Variants in NLGN1 observed in about 807,000 individuals in gnomAD.
NLGN1 encodes the protein neuroligin-1.
In NLGN1, 12 loss-of-function variants were observed where a neutral mutation model predicts 65.5. The ratio of observed to expected loss-of-function variants is 0.18; its 90% CI spans 0.12 to 0.30. The LOEUF (loss-of-function observed/expected upper bound fraction) is 0.30, where lower values mean the gene tolerates loss of function less well. Among genes scored for constraint, NLGN1 ranks in the 10% least tolerant of loss-of-function variants. NLGN1 has a pLI of 1.00. For synonymous variants in NLGN1, 350 were observed against 359.5 expected, an observed-to-expected ratio of 0.97 and a Z score of 0.30; for missense variants, 750 against 1,007.1, an observed-to-expected ratio of 0.74 and a Z score of 3.46.
chr3:173,985,885 G>A (rs1719772000), intron 4 of NLGN1, among the ~76,000 whole-genome samples: 1 of 152,040 alleles, frequency 6.6e-6, no homozygotes, highest in African/African-American at 2.4e-5. Flanking sequence ...GGAAGGTGGA[G>A]GTTGCAGTGA....
intron 3 of NLGN1, among the ~76,000 whole-genome samples, chr3:173,689,281 T>C (rs1277883183): frequency 6.6e-6 from 1 of 152,098 alleles, no homozygotes; most frequent in African/African-American, 2.4e-5. Flanking sequence ...CTTCTAAGGG[T>C]ATGAGATTGC....
intron 4 of NLGN1, among the ~76,000 whole-genome samples, chr3:173,985,343 C>A (rs1719659815): frequency 6.6e-6 from 1 of 152,130 alleles, no homozygotes; most frequent in African/African-American, 2.4e-5. Context: ...AGAGCCTGTA[C>A]CTACCACCTT....
chr3:174,081,104 G>A (rs1335777663), intron 4 of NLGN1, among the ~76,000 whole-genome samples: 1 of 152,066 alleles, frequency 6.6e-6, no homozygotes, highest in African/African-American at 2.4e-5. Flanking sequence ...TGGATAAGTT[G>A]CATCCTTCAT....
At chr3:174,222,124 A>G (rs1324607665) in intron 4 of NLGN1, among the ~76,000 whole-genome samples, 1 of 152,072 alleles carries the variant, frequency 6.6e-6, no homozygotes, top group Non-Finnish European at 1.5e-5. Context: ...GAGTATTTTG[A>G]GATAAGTAGC....
At chr3:173,811,133 A>G (rs965817086) in intron 4 of NLGN1, among the ~76,000 whole-genome samples, 17 of 152,240 alleles carry the variant, frequency 1.1e-4, no homozygotes, top group African/African-American at 4.1e-4. Context: ...CAGTTTTGAC[A>G]TAAACTTTCC....
intron 4 of NLGN1, among the ~76,000 whole-genome samples, chr3:173,955,229 C>T (rs1021657623): frequency 1.3e-5 from 2 of 152,010 alleles, no homozygotes; most frequent in Non-Finnish European, 2.9e-5. Flanking sequence ...GCTCATAGGC[C>T]GTGCAAAAAT....
rs185108505 is a variant in NLGN1 at position 173,704,456 on chromosome 3, A to G, written c.493+99365A>G. Among the ~76,000 whole-genome samples, 3 of 152,276 alleles carry G rather than the reference A, an allele frequency of 2.0e-5. No individual in the cohort carries two copies. The East Asian group carries it at 5.8e-4, about 29-fold the overall frequency. On this transcript the variant is annotated intron_variant, in intron 3 of 6. Transcript: ENST00000457714. ...GAGGTAAATAATAGAGACACTTTTC[A>G]AAAGTGCTCATAACAGTTATAAAAA...
At chr3:173,777,893 C>A (rs958350303) in intron 3 of NLGN1, among the ~76,000 whole-genome samples, 12 of 151,908 alleles carry the variant, frequency 7.9e-5, no homozygotes, top group Non-Finnish European at 1.2e-4. Flanking sequence ...GTATCTATTC[C>A]ATTCATTAAA....
chr3:173,525,990 A>C (rs996831618), intron 2 of NLGN1, among the ~76,000 whole-genome samples: 6 of 151,906 alleles, frequency 3.9e-5, no homozygotes, highest in Admixed American at 1.3e-4. Flanking sequence ...TATTTTTTTG[A>C]ATTTATTGAG....
chr3:173,587,408 G>A (rs1389668946), intron 2 of NLGN1, among the ~76,000 whole-genome samples: 1 of 152,134 alleles, frequency 6.6e-6, no homozygotes, highest in African/African-American at 2.4e-5. Context: ...ATGGAAATAA[G>A]TATATACAAA....
At chr3:173,638,114 C>T (rs1010459615) in intron 3 of NLGN1, among the ~76,000 whole-genome samples, 6 of 151,480 alleles carry the variant, frequency 4.0e-5, no homozygotes, top group Non-Finnish European at 5.9e-5. Context: ...TCCTGTTTTA[C>T]GCCAGTTCAC....
intron 4 of NLGN1, among the ~76,000 whole-genome samples, chr3:174,198,599 TA>T (rs1355877292): frequency 6.6e-6 from 1 of 152,192 alleles, no homozygotes; most frequent in East Asian, 1.9e-4. Flanking sequence ...CATCATTGGA[TA>T]AAATTATTTA....
chr3:173,957,537 T>G (rs1004802774), intron 4 of NLGN1, among the ~76,000 whole-genome samples: 1 of 152,182 alleles, frequency 6.6e-6, no homozygotes, highest in African/African-American at 2.4e-5. Flanking sequence ...TAGCCCAGAA[T>G]AACAGCTATA....
At chr3:173,783,016 A>ATG (rs1781416668) in intron 3 of NLGN1, among the ~76,000 whole-genome samples, 1 of 152,174 alleles carries the variant, frequency 6.6e-6, no homozygotes. Context: ...GAATAAATAT[A>ATG]TATGTATAAT....
At position 173,673,132 on chromosome 3, in the gene NLGN1, T is replaced by A. The variant is rs553802868; in HGVS notation, c.493+68041T>A. 9.8e-5 allele frequency among the ~76,000 whole-genome samples: 15 copies of A among 152,322 alleles called. No homozygotes were observed. The East Asian group carries it at 2.9e-3, about 29-fold the overall frequency. ...GATTTACATTATCAGCATCAATTTT[T>A]TTCCCTCATGAAAAATCTGATAACC... On this transcript the variant is annotated intron_variant, in intron 3 of 6. Coordinates refer to ENST00000457714, the Ensembl canonical transcript of NLGN1.
intron 4 of NLGN1, among the ~76,000 whole-genome samples, chr3:173,855,635 C>G (rs970619232): frequency 2.6e-5 from 4 of 152,034 alleles, no homozygotes; most frequent in Admixed American, 2.6e-4. Flanking sequence ...TAAAGAATGA[C>G]CACAACGGTT....
intron 4 of NLGN1, among the ~76,000 whole-genome samples, chr3:173,874,378 G>A (rs926673464): frequency 6.6e-6 from 1 of 152,122 alleles, no homozygotes; most frequent in East Asian, 1.9e-4. Flanking sequence ...CATAAACTTA[G>A]AAAAGGAACC....
At chr3:173,617,977 G>A (rs890118158) in intron 3 of NLGN1, among the ~76,000 whole-genome samples, 1 of 151,642 alleles carries the variant, frequency 6.6e-6, no homozygotes, top group Non-Finnish European at 1.5e-5. Flanking sequence ...TCTTGCTAAC[G>A]TTTTCTCCAA....
At chr3:173,849,133 A>G (rs1726391048) in intron 4 of NLGN1, among the ~76,000 whole-genome samples, 1 of 152,156 alleles carries the variant, frequency 6.6e-6, no homozygotes, top group Non-Finnish European at 1.5e-5. Context: ...GATAACTACC[A>G]TATAATGAAA....
Sources: allele counts gnomAD v4.1 joint callset (sites outside exome capture counted in the v4.1 genomes callset), GRCh38; gene constraint gnomAD v4.1.1; transcripts MANE v1.5; gene names NCBI Gene and HGNC (gene_info 2026-07-23, HGNC 2026-07-21).